Variants in VSTM2L observed in about 807,000 individuals in gnomAD.
VSTM2L encodes V-set and transmembrane domain containing 2 like.
VSTM2L carries 9 observed loss-of-function variants against 19.9 expected under a neutral mutation model. The ratio of observed to expected loss-of-function variants is 0.45; its 90% CI spans 0.27 to 0.79. The LOEUF is 0.79. Ranked by LOEUF, VSTM2L falls within the 30% of genes least tolerant of loss-of-function variation. VSTM2L has a pLI of 0.15. For missense variants in VSTM2L, 286 were observed against 295.5 expected, an observed-to-expected ratio of 0.97 and a Z score of 0.24; for synonymous variants, 127 against 133.8, an observed-to-expected ratio of 0.95 and a Z score of 0.35.
At chr20:37,927,050 C>A (rs1012285779) in intron 1 of VSTM2L, among the ~76,000 whole-genome samples, 18 of 152,368 alleles carry the variant, frequency 1.2e-4, no homozygotes, top group African/African-American at 4.3e-4. Flanking sequence ...ACTGCGCCTC[C>A]TCCTCCCGGG....
chr20:37,907,185 C>A (rs2072755978), intron 1 of VSTM2L, among the ~76,000 whole-genome samples: 2 of 152,360 alleles, frequency 1.3e-5, no homozygotes, highest in South Asian at 4.2e-4. Context: ...CAGCTTACTG[C>A]AACCTCTGCC....
intron 3 of VSTM2L, among the ~76,000 whole-genome samples, chr20:37,938,928 G>T (rs1464022224): frequency 1.3e-5 from 2 of 152,146 alleles, no homozygotes; most frequent in Non-Finnish European, 2.9e-5. Context: ...AGACATGGAG[G>T]ATTGGGGGCC....
At chr20:37,904,944 C>A (rs1369114883) in intron 1 of VSTM2L, among the ~76,000 whole-genome samples, 2 of 152,124 alleles carry the variant, frequency 1.3e-5, no homozygotes, top group African/African-American at 4.8e-5. Flanking sequence ...TTTCTACCGA[C>A]CTGGCTAGAG....
At position 37,903,583 on chromosome 20, in the gene VSTM2L, CCGGGG is replaced by C. The variant is rs1183678839; in HGVS notation, c.121+115_121+119del. On this transcript the variant is annotated intron_variant, in intron 1 of 3. Transcript: ENST00000373461. ...ACCGGCGCCAGTCGTGGCGGGCATC[CCGGGG>C]CGCCCCCTGCCGGCGCGGTGGACCC... The C allele has an allele frequency of 1.5e-5, 20 of 1,301,540 alleles. No homozygotes were observed. The South Asian group carries it at 3.8e-4, about 25-fold the overall frequency. The allele number at this position is 1,301,540 out of a possible 1,614,324, so 80.6% of individuals were successfully genotyped here. A position where few individuals can be genotyped will look rare whatever the true frequency, so the allele number is the denominator to read the frequency against.
Position 37,903,197 on chromosome 20 carries a change from G to T in VSTM2L, c.-154G>T. 1 of 1,023,578 alleles carries T rather than the reference G, an allele frequency of 9.8e-7. No individual in the cohort carries two copies. 63.4% of individuals were successfully genotyped at this position (1,023,578 alleles called of 1,614,324 possible). On this transcript the variant is annotated 5_prime_UTR_variant, in exon 1 of 4. Coordinates refer to ENST00000373461, the MANE Select transcript of VSTM2L (RefSeq NM_080607.3). ...GGGGCTGGGCCGGAGCCGGGCGAGG[G>T]CTGGGAGCTGGGCCGGGTCCGGGGA...
chr20:37,917,098 G>C lies in VSTM2L; in HGVS notation c.121+13627G>C, dbSNP rs145086816. 8.4e-3 allele frequency among the ~76,000 whole-genome samples: 1,281 copies of C among 152,268 alleles called. 14 individuals are homozygous for C. Among genetic ancestry groups the C allele is most frequent in the African/African-American group, 0.029 (1,208 of 41,548 alleles). On this transcript the variant is annotated intron_variant, in intron 1 of 3. Coordinates refer to ENST00000373461, the MANE Select transcript of VSTM2L (RefSeq NM_080607.3). Reference sequence around the variant, plus strand: ...GGAGGCCAAGACGGGCGGATCACGAGGTCAGGAGTTCAAGACCAGCCTGGC... The same window carrying C: ...GGAGGCCAAGACGGGCGGATCACGACGTCAGGAGTTCAAGACCAGCCTGGC...
chr20:37,928,366 C>T (rs956842151), intron 1 of VSTM2L, among the ~76,000 whole-genome samples: 3 of 152,170 alleles, frequency 2.0e-5, no homozygotes, highest in African/African-American at 7.2e-5. Flanking sequence ...ACTCCAAGGG[C>T]GAGACCTGCC....
Position 37,944,423 on chromosome 20 carries a change from C to T in VSTM2L, c.*170C>T, listed in dbSNP as rs1334996123. 10 of 1,182,494 alleles carry T rather than the reference C, an allele frequency of 8.5e-6. No individual in the cohort carries two copies. Among genetic ancestry groups the T allele is most frequent in the Non-Finnish European group, 2.2e-6 (2 of 907,632 alleles). The allele number at this position is 1,182,494 out of a possible 1,614,324, so 73.3% of individuals were successfully genotyped here. On this transcript the variant is annotated 3_prime_UTR_variant, in exon 4 of 4. Coordinates refer to ENST00000373461, the MANE Select transcript of VSTM2L (RefSeq NM_080607.3). Reference sequence around the variant, plus strand: ...CCACCCCTTGCTCAGCATGTAAGCCCCACCCACCCCTGCCCTTTCAGACCC... The same window carrying T: ...CCACCCCTTGCTCAGCATGTAAGCCTCACCCACCCCTGCCCTTTCAGACCC...
intron 3 of VSTM2L, 45 bp from the exon 4 acceptor site, chr20:37,943,936 C>G (rs760275835): frequency 1.7e-6 from 2 of 1,155,486 alleles, no homozygotes; most frequent in Non-Finnish European, 2.2e-6. Context: ...TCTTCTCCCC[C>G]ACTGTCACTG....
chr20:37,943,745 G>A (rs2072987648), intron 3 of VSTM2L, among the ~76,000 whole-genome samples: 1 of 152,166 alleles, frequency 6.6e-6, no homozygotes, highest in African/African-American at 2.4e-5. Flanking sequence ...GGACCACTCT[G>A]CAGTGCTTCA....
intron 1 of VSTM2L, among the ~76,000 whole-genome samples, chr20:37,929,225 G>A (rs2072895333): frequency 6.6e-6 from 1 of 152,196 alleles, no homozygotes; most frequent in African/African-American, 2.4e-5. Context: ...GGGTGTTCCA[G>A]GCAGAGGAAT....
chr20:37,931,380 G>A (rs997572645), intron 1 of VSTM2L, among the ~76,000 whole-genome samples: 1 of 152,118 alleles, frequency 6.6e-6, no homozygotes. Context: ...TGCTGGTGTG[G>A]CTCCAGGGCC....
In VSTM2L at chr20:37,903,226, C is replaced by A. The variant is rs535156714; in HGVS notation, c.-125C>A. The A allele has an allele frequency of 3.0e-3, 3,507 of 1,176,906 alleles. 10 individuals carry two copies. The highest frequency in any genetic ancestry group is 3.5e-3 in the Non-Finnish European group (3,288 of 939,490). 72.9% of individuals were successfully genotyped at this position (1,176,906 alleles called of 1,614,324 possible). On this transcript the variant is annotated 5_prime_UTR_variant, in exon 1 of 4. Transcript: ENST00000373461. ...GGAGCTGGGCCGGGTCCGGGGACAGCGGGCGAGGGGCAGCTGCCGGAGCCG... is the reference window on the plus strand; with the variant it reads ...GGAGCTGGGCCGGGTCCGGGGACAGAGGGCGAGGGGCAGCTGCCGGAGCCG...
Position 37,933,563 on chromosome 20 carries a change from G to C in VSTM2L, c.316G>C (p.Ala106Pro). 1 of 1,610,070 alleles carries C rather than the reference G, an allele frequency of 6.2e-7. No individual in the cohort carries two copies. Among genetic ancestry groups the C allele is most frequent in the Non-Finnish European group, 8.5e-7 (1 of 1,178,140 alleles). Reference protein sequence around the residue: ...NQLKASQQEDAGKEATKISVV... With the variant: ...NQLKASQQEDPGKEATKISVV... ...GCTAAAAGCATCTCAGCAGGAAGAC[G>C]CAGGGAAGGAGGCAACCAAAATAAG... The change falls in exon 3 of 4, where the codon GCA becomes CCA. Residue 106 changes from alanine (A) to proline (P), a missense_variant. Transcript: ENST00000373461.
rs11467317 is a variant in VSTM2L at position 37,920,894 on chromosome 20, C to CTTGA, written c.122-10718_122-10715dup. 2.0e-4 allele frequency among the ~76,000 whole-genome samples: 30 copies of CTTGA among 150,404 alleles called. No homozygotes were observed. The East Asian group carries it at 4.9e-3, about 25-fold the overall frequency. ...GCTTTTGTCTGACCTTCCTTTCTCC[C>CTTGA]TTGATTGATTGATTGATTGATTGAT... is the stretch of plus-strand genomic sequence containing the variant. On this transcript the variant is annotated intron_variant, in intron 1 of 3. Transcript: ENST00000373461.
At chr20:37,928,146 C>T (rs981717836) in intron 1 of VSTM2L, among the ~76,000 whole-genome samples, 1 of 152,156 alleles carries the variant, frequency 6.6e-6, no homozygotes, top group African/African-American at 2.4e-5. Context: ...CAGATCCAAC[C>T]AGGGTCCTCA....
intron 1 of VSTM2L, among the ~76,000 whole-genome samples, chr20:37,906,004 G>T (rs1052021751): frequency 1.4e-5 from 2 of 143,948 alleles, no homozygotes; most frequent in Non-Finnish European, 3.0e-5. Flanking sequence ...GTCCTCAGCT[G>T]ATTCAGGAAA....
intron 1 of VSTM2L, among the ~76,000 whole-genome samples, chr20:37,926,800 G>A (rs893302179): frequency 6.6e-6 from 1 of 152,326 alleles, no homozygotes; most frequent in Non-Finnish European, 1.5e-5. Flanking sequence ...ATGCGGACAT[G>A]TGATGGGGGG....
chr20:37,912,868 C>A (rs1329033389), intron 1 of VSTM2L, among the ~76,000 whole-genome samples: 1 of 152,130 alleles, frequency 6.6e-6, no homozygotes, highest in African/African-American at 2.4e-5. Context: ...CTCCCCCTCT[C>A]TCTCTGGGTC....
Sources: allele counts gnomAD v4.1 joint callset (sites outside exome capture counted in the v4.1 genomes callset), GRCh38; gene constraint gnomAD v4.1.1; transcripts MANE v1.5; gene names NCBI Gene and HGNC (gene_info 2026-07-23, HGNC 2026-07-21).